The following SLC6A5 variants were observed in gnomAD, a reference collection of about 807,000 sequenced individuals.
SLC6A5 encodes solute carrier family 6 member 5, also known as sodium- and chloride-dependent glycine transporter 2.
SLC6A5 carries 58 observed loss-of-function variants against 90.5 expected under a neutral mutation model. The observed-to-expected ratio is 0.64, with a 90% CI of 0.52 to 0.80. SLC6A5 has a LOEUF of 0.80. Among genes scored for constraint, SLC6A5 ranks in the 30% least tolerant of loss-of-function variants. The probability of loss-of-function intolerance (pLI) is 0.00; values close to 1 mark genes in which losing one functional copy is unlikely to be tolerated. For synonymous variants in SLC6A5, 427 were observed against 401.4 expected, an observed-to-expected ratio of 1.06 and a Z score of -0.76; for missense variants, 1,015 against 1,017.6, an observed-to-expected ratio of 1.00 and a Z score of 0.03.
At chr11:20,599,783 GA>G (rs1435914329) in intron 1 of SLC6A5, 108 bp downstream of exon 1, 16 of 1,255,778 alleles carry the variant, frequency 1.3e-5, no homozygotes, top group Non-Finnish European at 1.6e-5. Flanking sequence ...TGGGTGGGGG[GA>G]AAGGGGGCGA....
At chr11:20,605,480 G>C (rs897538276) in intron 3 of SLC6A5, among the ~76,000 whole-genome samples, 6 of 152,180 alleles carry the variant, frequency 3.9e-5, no homozygotes, top group Non-Finnish European at 8.8e-5. Flanking sequence ...ATTTGCCATC[G>C]GGGGTGCCCT....
rs180691843 is a variant in SLC6A5, at chr11:20,652,576, C to T, written c.2238+120C>T. 1.5e-4 allele frequency: 148 copies of T among 1,018,384 alleles called. No individual in the cohort carries two copies. In the East Asian group the frequency reaches 1.8e-3, roughly 13 times the overall value. The allele number at this position is 1,018,384 out of a possible 1,614,324, so 63.1% of individuals were successfully genotyped here. A position where few individuals can be genotyped will look rare whatever the true frequency, so the allele number is the denominator to read the frequency against. On this transcript the variant is annotated intron_variant, in intron 15 of 15. Coordinates refer to ENST00000525748, the MANE Select transcript of SLC6A5 (RefSeq NM_004211.5). ...TCAAGAGGGAGACTTGGTGATGAAG[C>T]GATTACAGTTGCCACCGTTTCTGTT...
At chr11:20,602,630 T>C (rs1005081860) in intron 2 of SLC6A5, among the ~76,000 whole-genome samples, 14 of 152,274 alleles carry the variant, frequency 9.2e-5, no homozygotes, top group African/African-American at 3.4e-4. Flanking sequence ...GGACCAAAAT[T>C]TGTGCCTGTG....
chr11:20,600,027 G>A (rs1268106731), intron 1 of SLC6A5, among the ~76,000 whole-genome samples: 2 of 152,090 alleles, frequency 1.3e-5, no homozygotes, highest in Non-Finnish European at 2.9e-5. Context: ...CTAGATTTGT[G>A]CAAATCGAGG....
intron 9 of SLC6A5, among the ~76,000 whole-genome samples, chr11:20,628,930 GCA>G (rs1356896984): frequency 6.6e-6 from 1 of 152,148 alleles, no homozygotes; most frequent in Non-Finnish European, 1.5e-5. Flanking sequence ...ATCATTTGCT[GCA>G]CACTTGCTCT....
At chr11:20,637,892 A>C (rs1402641339) in intron 12 of SLC6A5, among the ~76,000 whole-genome samples, 1 of 152,122 alleles carries the variant, frequency 6.6e-6, no homozygotes, top group Non-Finnish European at 1.5e-5. Context: ...CAGTATATAT[A>C]TTGCTTTTGT....
intron 13 of SLC6A5, among the ~76,000 whole-genome samples, chr11:20,640,262 C>A (rs1853287053): frequency 6.6e-6 from 1 of 152,184 alleles, no homozygotes; most frequent in Non-Finnish European, 1.5e-5. Context: ...GTTACCTGTA[C>A]CCTAACTGCT....
intron 13 of SLC6A5, among the ~76,000 whole-genome samples, chr11:20,640,619 C>T (rs776898803): frequency 6.6e-6 from 1 of 151,314 alleles, no homozygotes; most frequent in East Asian, 1.9e-4. Flanking sequence ...TGTGGGTGTG[C>T]GCCTCTGATT....
intron 14 of SLC6A5, among the ~76,000 whole-genome samples, chr11:20,648,215 A>T (rs1403959417): frequency 4.6e-5 from 7 of 152,196 alleles, no homozygotes; most frequent in Non-Finnish European, 1.0e-4. Context: ...GCTATTACAC[A>T]TGGTCCCAGT....
At chr11:20,639,416 C>A (rs1035592602) in intron 13 of SLC6A5, among the ~76,000 whole-genome samples, 1 of 152,008 alleles carries the variant, frequency 6.6e-6, no homozygotes, top group African/African-American at 2.4e-5. Flanking sequence ...ACTTCAGATC[C>A]CAAAAGAGAC....
At chr11:20,654,669 G>T (rs1405881318) in intron 15 of SLC6A5, 44 bp from the exon 16 acceptor site, 7 of 1,607,930 alleles carry the variant, frequency 4.4e-6, no homozygotes, top group South Asian at 2.2e-5. Context: ...GGTGAGGAAG[G>T]TGCACTACTT....
chr11:20,637,707 C>A (rs549051358), intron 12 of SLC6A5, among the ~76,000 whole-genome samples: 1 of 152,130 alleles, frequency 6.6e-6, no homozygotes, highest in African/African-American at 2.4e-5. Context: ...TGGGCAACAT[C>A]GTGGGACCCT....
intron 2 of SLC6A5, among the ~76,000 whole-genome samples, chr11:20,604,007 A>G (rs1175285052): frequency 6.6e-6 from 1 of 151,950 alleles, no homozygotes; most frequent in African/African-American, 2.4e-5. Flanking sequence ...TGACTGTATG[A>G]TCTGGGAAAG....
At chr11:20,642,081 G>C (rs1853324524) in intron 13 of SLC6A5, among the ~76,000 whole-genome samples, 1 of 151,976 alleles carries the variant, frequency 6.6e-6, no homozygotes, top group Non-Finnish European at 1.5e-5. Context: ...CAAGACTGGA[G>C]ACGTAATTTG....
Position 20,656,523 on chromosome 11 carries a change from G to A in SLC6A5, c.*1655G>A, listed in dbSNP as rs1395701904. On this transcript the variant is annotated 3_prime_UTR_variant, in exon 16 of 16. Transcript: ENST00000525748. ...CTTTAATGTACATTTTTTTTTAAAAGATTTCATTTGTTAAAAAAAGTCTCA... is the reference window on the plus strand; with the variant it reads ...CTTTAATGTACATTTTTTTTTAAAAAATTTCATTTGTTAAAAAAAGTCTCA... 6.6e-6 allele frequency: 1 copy of A among 151,796 alleles called. No individual in the cohort carries two copies. The highest frequency in any genetic ancestry group is 2.4e-5 in the African/African-American group (1 of 41,340). 9.4% of individuals were successfully genotyped at this position (151,796 alleles called of 1,614,324 possible). A position where few individuals can be genotyped will look rare whatever the true frequency, so the allele number is the denominator to read the frequency against.
intron 1 of SLC6A5, among the ~76,000 whole-genome samples, chr11:20,600,379 A>G (rs1565269019): frequency 1.3e-5 from 2 of 150,234 alleles, no homozygotes. Flanking sequence ...GAAGAAGAAG[A>G]AGAAGAAGAA....
intron 7 of SLC6A5, among the ~76,000 whole-genome samples, chr11:20,625,235 T>C (rs921626710): frequency 6.6e-5 from 10 of 152,128 alleles, no homozygotes; most frequent in African/African-American, 2.4e-4. Flanking sequence ...ACCCCCAAGT[T>C]CTGCTAATGT....
chr11:20,651,482 T>C (rs1433362626), intron 14 of SLC6A5, among the ~76,000 whole-genome samples: 2 of 150,230 alleles, frequency 1.3e-5, no homozygotes, highest in Non-Finnish European at 3.0e-5. Flanking sequence ...CCATGTTGGC[T>C]AGGCTGGTCT....
rs746052714 is a variant in SLC6A5 at position 20,601,173 on chromosome 11, C to T, written c.48C>T (p.Ser16=). Residue 16 remains serine (S), a synonymous_variant, in exon 2 of 16, where the codon AGC becomes AGT. Transcript: ENST00000525748. Reference sequence around the variant, plus strand: ...AAATGAATAAACTGCCAGCCAACAGCCCGGAGGCGGCGGCGGCGCAGGGCC... The same window carrying T: ...AAATGAATAAACTGCCAGCCAACAGTCCGGAGGCGGCGGCGGCGCAGGGCC... ...PKEMNKLPAN[S]PEAAAAQGHP... 1 of 1,590,016 alleles carries T rather than the reference C, an allele frequency of 6.3e-7. No homozygotes were observed.
Sources: gnomAD v4.1 joint callset for allele counts (sites outside exome capture counted in the v4.1 genomes callset) on GRCh38, gnomAD v4.1.1 for gene constraint, MANE v1.5 for transcripts, NCBI Gene and HGNC (gene_info 2026-07-23, HGNC 2026-07-21) for gene names.